CELF2: variants seen among roughly 807,000 people sequenced by gnomAD.
CELF2 encodes CUG triplet repeat RNA-binding protein 2.
CELF2 carries 8 observed loss-of-function variants against 62.6 expected under a neutral mutation model. The ratio of observed to expected loss-of-function variants is 0.13; its 90% CI spans 0.07 to 0.23. CELF2 has a LOEUF of 0.23. CELF2 is among the 10% of genes least tolerant of loss of function. The pLI is 1.00. For synonymous variants in CELF2, 258 were observed against 250.0 expected, an observed-to-expected ratio of 1.03 and a Z score of -0.30; for missense variants, 333 against 671.0, an observed-to-expected ratio of 0.50 and a Z score of 5.56.
intron 2 of CELF2, among the ~76,000 whole-genome samples, chr10:10,941,775 T>C (rs1363033297): frequency 1.3e-5 from 2 of 152,122 alleles, no homozygotes; most frequent in African/African-American, 4.8e-5. Context: ...GGTTGGATCA[T>C]TTGAGGTCAG....
At chr10:10,927,808 C>G (rs1005996726) in intron 2 of CELF2, among the ~76,000 whole-genome samples, 4 of 152,240 alleles carry the variant, frequency 2.6e-5, no homozygotes, top group Non-Finnish European at 4.4e-5. Flanking sequence ...GTTAAATGGC[C>G]TTTGAATTGG....
chr10:10,609,454 G>A, the CELF2 span, among the ~76,000 whole-genome samples: 4 of 152,226 alleles, frequency 2.6e-5, no homozygotes, highest in East Asian at 3.9e-4. Context: ...ATACCACCGC[G>A]CGTGCACACA....
At chr10:11,062,274 A>C (rs1281116787) in intron 1 of CELF2, among the ~76,000 whole-genome samples, 1 of 152,276 alleles carries the variant, frequency 6.6e-6, no homozygotes, top group African/African-American at 2.4e-5. Flanking sequence ...TGCAGCATTC[A>C]TTCTGCAGCC....
chr10:11,223,166 G>C lies in CELF2; in HGVS notation c.354+5659G>C, dbSNP rs943983638. ...CAGATTCATGGTGCGTGTTAGAGAG[G>C]GTGCTTGAGAAATGGCCGTGCGATG... On this transcript the variant is annotated intron_variant, in intron 3 of 12. Coordinates refer to ENST00000633077, the MANE Select transcript of CELF2 (RefSeq NM_001326342.2). The surrounding 1 kb of genome is among the most constrained non-coding windows in gnomAD (Gnocchi z 5.1). Among the ~76,000 whole-genome samples the C allele has an allele frequency of 1.3e-5, 2 of 152,176 alleles. No homozygotes were observed. Among genetic ancestry groups the C allele is most frequent in the African/African-American group, 4.8e-5 (2 of 41,436 alleles).
the CELF2 span, among the ~76,000 whole-genome samples, chr10:10,475,397 A>G: frequency 3.3e-5 from 5 of 151,914 alleles, no homozygotes; most frequent in South Asian, 1.0e-3. Context: ...GGAAGGAGAT[A>G]TGTAAAACTG....
rs2054948994 is a variant in CELF2, at chr10:11,110,790, C to T, written c.75-54696C>T. On this transcript the variant is annotated intron_variant, in intron 1 of 12. Coordinates refer to ENST00000633077, the MANE Select transcript of CELF2 (RefSeq NM_001326342.2). This position sits in a 1 kb window ranked among gnomAD's most constrained non-coding sequence, Gnocchi z 4.0. ...AGGCCTCATCCGGGGGCAGTTTCTG[C>T]TTGTCAAGGAACTGCAACCCTGACC... Among the ~76,000 whole-genome samples the T allele has an allele frequency of 6.6e-6, 1 of 152,148 alleles. No homozygotes were observed. The highest frequency in any genetic ancestry group is 6.5e-5 in the Admixed American group (1 of 15,286).
the CELF2 span, among the ~76,000 whole-genome samples, chr10:10,717,754 T>C: frequency 1.3e-5 from 2 of 152,166 alleles, no homozygotes; most frequent in Non-Finnish European, 2.9e-5. Context: ...GCAGGAATTA[T>C]GTGATGTTCT....
the CELF2 span, among the ~76,000 whole-genome samples, chr10:10,630,486 G>A: frequency 1.2e-4 from 19 of 152,150 alleles, no homozygotes; most frequent in Admixed American, 1.0e-3. Context: ...TGCAGAAAGA[G>A]GCTGAAATCA....
chr10:11,218,538 T>C (rs1478859503), intron 3 of CELF2, among the ~76,000 whole-genome samples: 1 of 152,242 alleles, frequency 6.6e-6, no homozygotes, highest in Non-Finnish European at 1.5e-5. Context: ...AAGATCGTAG[T>C]GGCAAAAAGC....
At chr10:11,136,838 G>A (rs1401625673) in intron 1 of CELF2, among the ~76,000 whole-genome samples, 1 of 152,078 alleles carries the variant, frequency 6.6e-6, no homozygotes, top group African/African-American at 2.4e-5. Context: ...CTATTAGGAT[G>A]TTACAATTTG....
chr10:10,623,669 C>G, the CELF2 span, among the ~76,000 whole-genome samples: 2 of 152,104 alleles, frequency 1.3e-5, no homozygotes, highest in South Asian at 4.1e-4. Context: ...CACGATGATC[C>G]AGAGACAGTG....
the CELF2 span, among the ~76,000 whole-genome samples, chr10:10,649,538 A>G: frequency 9.2e-5 from 14 of 151,828 alleles, no homozygotes; most frequent in Non-Finnish European, 1.6e-4. Flanking sequence ...ATCTCATAGA[A>G]AGGGATGTGG....
chr10:11,273,353 AG>A (rs1329288781), intron 7 of CELF2, among the ~76,000 whole-genome samples: 33 of 152,126 alleles, frequency 2.2e-4, no homozygotes, highest in Non-Finnish European at 2.9e-5. Flanking sequence ...ATCTCCTAGG[AG>A]CACGAACCTG....
chr10:10,822,044 A>G (rs966896299), intron 1 of CELF2, among the ~76,000 whole-genome samples: 3 of 152,202 alleles, frequency 2.0e-5, no homozygotes, highest in African/African-American at 7.2e-5. Flanking sequence ...GACTACACAC[A>G]ATGCAGCCAC....
intron 2 of CELF2, among the ~76,000 whole-genome samples, chr10:11,182,221 A>G (rs562716593): frequency 2.0e-5 from 3 of 152,360 alleles, no homozygotes; most frequent in South Asian, 4.1e-4. Flanking sequence ...TCTCAGGAAC[A>G]ATTCCATTCT....
intron 1 of CELF2, among the ~76,000 whole-genome samples, chr10:11,142,215 C>A (rs1257159166): frequency 6.6e-6 from 1 of 152,116 alleles, no homozygotes; most frequent in East Asian, 1.9e-4. Context: ...TTGATGGGAG[C>A]AAATTCTGAT....
In CELF2 at chr10:11,336,265, T is replaced by C. The variant is rs1220119569; in HGVS notation, c.*7212T>C. On this transcript the variant is annotated 3_prime_UTR_variant, in exon 13 of 13. Coordinates refer to ENST00000633077, the MANE Select transcript of CELF2 (RefSeq NM_001326342.2). This position sits in a 1 kb window ranked among gnomAD's most constrained non-coding sequence, Gnocchi z 5.4. ...TATTCACTTATCAGGAATCGACTGT[T>C]CTGCTAATTTGCTGTTGTTGTTTTT... 6.5e-6 allele frequency: 1 copy of C among 152,712 alleles called. No homozygotes were observed. The highest frequency in any genetic ancestry group is 2.4e-5 in the African/African-American group (1 of 41,474). 9.5% of individuals were successfully genotyped at this position (152,712 alleles called of 1,614,324 possible).
chr10:10,617,569 C>T, the CELF2 span, among the ~76,000 whole-genome samples: 2 of 152,212 alleles, frequency 1.3e-5, no homozygotes, highest in East Asian at 1.9e-4. Flanking sequence ...CATCATCACT[C>T]CCCTGCTTAA....
At chr10:11,119,039 C>CCG (rs1354692842) in intron 1 of CELF2, among the ~76,000 whole-genome samples, 1 of 152,206 alleles carries the variant, frequency 6.6e-6, no homozygotes, top group Non-Finnish European at 1.5e-5. Flanking sequence ...CTTTCTCAAG[C>CCG]CGCCATCCAG....
Sources: gnomAD v4.1 joint callset for allele counts (sites outside exome capture counted in the v4.1 genomes callset) on GRCh38, gnomAD v4.1.1 for gene constraint, Gnocchi (gnomAD v3.1) non-coding constraint, MANE v1.5 for transcripts, NCBI Gene and HGNC (gene_info 2026-07-23, HGNC 2026-07-21) for gene names.